CSGALNACT1: variants seen among roughly 807,000 people sequenced by gnomAD.
CSGALNACT1 encodes the protein chondroitin sulfate N-acetylgalactosaminyltransferase 1.
Under a neutral mutation model 51.0 loss-of-function variants are expected in CSGALNACT1, and 52 were observed. The ratio of observed to expected loss-of-function variants is 1.02; its 90% CI spans 0.82 to 1.29. CSGALNACT1 has a LOEUF of 1.29. CSGALNACT1 is among the 50% of genes most tolerant of loss of function. The pLI, the probability that CSGALNACT1 is intolerant of heterozygous loss-of-function variation, is 0.00. For missense variants in CSGALNACT1, 935 were observed against 679.2 expected, an observed-to-expected ratio of 1.38 and a Z score of -4.19; for synonymous variants, 341 against 254.4, an observed-to-expected ratio of 1.34 and a Z score of -3.24.
chr8:19,452,884 G>A (rs761911201), intron 5 of CSGALNACT1, among the ~76,000 whole-genome samples: 10 of 152,122 alleles, frequency 6.6e-5, no homozygotes, highest in Non-Finnish European at 1.0e-4. Flanking sequence ...AAGCCCCTGG[G>A]GGTTCTTCCT....
intron 3 of CSGALNACT1, among the ~76,000 whole-genome samples, chr8:19,532,348 A>C (rs1386343402): frequency 6.6e-6 from 1 of 152,144 alleles, no homozygotes; most frequent in Non-Finnish European, 1.5e-5. Flanking sequence ...GGCAGTGAGG[A>C]ACAATTAGGG....
At chr8:19,495,492 TA>T (rs1419029103) in intron 4 of CSGALNACT1, among the ~76,000 whole-genome samples, 13 of 152,180 alleles carry the variant, frequency 8.5e-5, no homozygotes, top group African/African-American at 3.1e-4. Flanking sequence ...TCCACAGTTC[TA>T]ACTTTGAAAG....
intron 3 of CSGALNACT1, among the ~76,000 whole-genome samples, chr8:19,536,178 G>C (rs2083686556): frequency 6.6e-6 from 1 of 152,058 alleles, no homozygotes; most frequent in Non-Finnish European, 1.5e-5. Flanking sequence ...TATAAACTTT[G>C]GGTGATGATG....
chr8:19,442,018 A>AC (rs1202941546), intron 5 of CSGALNACT1, among the ~76,000 whole-genome samples: 1 of 152,252 alleles, frequency 6.6e-6, no homozygotes, highest in African/African-American at 2.4e-5. Flanking sequence ...CCACAATGAG[A>AC]TACCATCTCA....
chr8:19,740,178 T>A (rs2064222781), intron 1 of CSGALNACT1, among the ~76,000 whole-genome samples: 1 of 152,154 alleles, frequency 6.6e-6, no homozygotes, highest in Admixed American at 6.5e-5. Context: ...TGGCTCTCCA[T>A]CCCACCTGGG....
At chr8:19,749,704 G>A (rs1362691082) in intron 1 of CSGALNACT1, among the ~76,000 whole-genome samples, 2 of 152,190 alleles carry the variant, frequency 1.3e-5, no homozygotes, top group Non-Finnish European at 2.9e-5. Flanking sequence ...CTGCATCATA[G>A]TGAAACAGAC....
At chr8:19,463,845 A>T (rs1458090576) in intron 4 of CSGALNACT1, among the ~76,000 whole-genome samples, 2 of 152,186 alleles carry the variant, frequency 1.3e-5, no homozygotes, top group African/African-American at 4.8e-5. Flanking sequence ...GCCAGGATCT[A>T]AGACCCCCAA....
intron 1 of CSGALNACT1, among the ~76,000 whole-genome samples, chr8:19,663,408 C>G (rs537034355): frequency 2.0e-4 from 31 of 152,334 alleles, no homozygotes; most frequent in African/African-American, 7.2e-4. Flanking sequence ...AAATCACTCA[C>G]TACAAGTAAA....
chr8:19,417,997 T>C (rs1004170667), intron 8 of CSGALNACT1, among the ~76,000 whole-genome samples: 1 of 152,162 alleles, frequency 6.6e-6, no homozygotes, highest in Admixed American at 6.5e-5. Flanking sequence ...ACAGGGACCC[T>C]TGGGGGCTGT....
intron 1 of CSGALNACT1, among the ~76,000 whole-genome samples, chr8:19,619,367 G>A (rs141503727): frequency 5.9e-5 from 9 of 152,162 alleles, no homozygotes; most frequent in East Asian, 3.9e-4. Context: ...GGAAGGGAGC[G>A]AGTCTATAGA....
In CSGALNACT1 at chr8:19,461,726, A is replaced by G. The variant is rs373673611; in HGVS notation, c.635-3084T>C. Among the ~76,000 whole-genome samples, 312 of 142,512 alleles carry G rather than the reference A, an allele frequency of 2.2e-3. 1 individual carries two copies. Among genetic ancestry groups the G allele is most frequent in the Middle Eastern group, 7.5e-3 (2 of 268 alleles). 93.5% of individuals were successfully genotyped at this position (142,512 alleles called of 152,430 possible). On this transcript the variant is annotated intron_variant, in intron 4 of 9. Transcript: ENST00000454498. ...CGCACAGCACACACATTCACCATGG[A>G]GGGCGTATCCGCACAGCGGCCACAT...
At chr8:19,598,273 A>G (rs1029888621) in intron 2 of CSGALNACT1, among the ~76,000 whole-genome samples, 11 of 152,274 alleles carry the variant, frequency 7.2e-5, no homozygotes, top group African/African-American at 2.7e-4. Context: ...ATACCCATTC[A>G]TGTGCCAGTA....
intron 3 of CSGALNACT1, among the ~76,000 whole-genome samples, chr8:19,534,301 G>T (rs994011455): frequency 6.6e-6 from 1 of 151,930 alleles, no homozygotes; most frequent in Admixed American, 6.6e-5. Flanking sequence ...AAAAAATACA[G>T]AAATTAGCCA....
chr8:19,448,027 G>C (rs533463555), intron 5 of CSGALNACT1, among the ~76,000 whole-genome samples: 7 of 152,326 alleles, frequency 4.6e-5, no homozygotes, highest in African/African-American at 1.4e-4. Flanking sequence ...GCTGTTGTCA[G>C]AAGCATGGGT....
At chr8:19,498,922 T>A (rs1030997277) in intron 4 of CSGALNACT1, among the ~76,000 whole-genome samples, 1 of 152,122 alleles carries the variant, frequency 6.6e-6, no homozygotes, top group African/African-American at 2.4e-5. Flanking sequence ...AAGACCAGCC[T>A]GCGAAATACA....
At chr8:19,656,765 T>A (rs186775759) in intron 1 of CSGALNACT1, among the ~76,000 whole-genome samples, 2 of 152,190 alleles carry the variant, frequency 1.3e-5, no homozygotes, top group Admixed American at 1.3e-4. Flanking sequence ...TAAATAGAAC[T>A]TTTAGAAATC....
intron 1 of CSGALNACT1, among the ~76,000 whole-genome samples, chr8:19,634,193 A>T (rs991612512): frequency 6.6e-6 from 1 of 152,204 alleles, no homozygotes; most frequent in Non-Finnish European, 1.5e-5. Flanking sequence ...TACACATAAA[A>T]CGTCTGTGGC....
At chr8:19,705,943 T>G (rs997438230) in intron 1 of CSGALNACT1, among the ~76,000 whole-genome samples, 3 of 152,206 alleles carry the variant, frequency 2.0e-5, no homozygotes, top group Admixed American at 1.3e-4. Flanking sequence ...TTATCTTCAA[T>G]TACCTTGTAT....
chr8:19,637,603 T>C (rs2056242796), intron 1 of CSGALNACT1, among the ~76,000 whole-genome samples: 1 of 152,212 alleles, frequency 6.6e-6, no homozygotes, highest in South Asian at 2.1e-4. Flanking sequence ...ATACTGTTAA[T>C]ATTCCATGCA....
Sources: allele counts gnomAD v4.1 joint callset (sites outside exome capture counted in the v4.1 genomes callset), GRCh38; gene constraint gnomAD v4.1.1; transcripts MANE v1.5; gene names NCBI Gene and HGNC (gene_info 2026-07-23, HGNC 2026-07-21).